SEPTIN9: variants seen among roughly 807,000 people sequenced by gnomAD.
SEPTIN9 encodes septin-9.
SEPTIN9 carries 13 observed loss-of-function variants against 56.6 expected under a neutral mutation model. The observed-to-expected ratio is 0.23, with a 90% CI of 0.15 to 0.37. The LOEUF (loss-of-function observed/expected upper bound fraction) is 0.37. SEPTIN9 is among the 10% of genes least tolerant of loss of function. The pLI, the probability that SEPTIN9 is intolerant of heterozygous loss-of-function variation, is 1.00. For synonymous variants in SEPTIN9, 332 were observed against 334.1 expected (o/e 0.99, Z 0.07); for missense variants, 650 against 823.1 (o/e 0.79, Z 2.57).
Position 77,437,725 on chromosome 17 carries a change from C to T in SEPTIN9, c.721+35022C>T, listed in dbSNP as rs1294034943. Among the ~76,000 whole-genome samples the T allele has an allele frequency of 6.6e-6, 1 of 152,176 alleles. No homozygotes were observed. On this transcript the variant is annotated intron_variant, in intron 3 of 11. Coordinates refer to ENST00000427177, the MANE Select transcript of SEPTIN9 (RefSeq NM_001113491.2). This position sits in a 1 kb window ranked among gnomAD's most constrained non-coding sequence, Gnocchi z 5.3. ...AAGCCCAAGTGAACCCCAGTAGTGG[C>T]CTGGGAGAATCATCTGTCACGAGCC... is the stretch of plus-strand genomic sequence containing the variant.
chr17:77,325,566 C>T (rs1433316775), intron 2 of SEPTIN9, among the ~76,000 whole-genome samples: 2 of 152,114 alleles, frequency 1.3e-5, no homozygotes, highest in African/African-American at 2.4e-5. Flanking sequence ...CAGCCCGGGG[C>T]GTCCTGAGGC....
chr17:77,401,965 G>A (rs1011029343), intron 2 of SEPTIN9, 94 bp from the exon 3 acceptor site: 16 of 1,359,770 alleles, frequency 1.2e-5, no homozygotes, highest in South Asian at 6.9e-5. Flanking sequence ...CCGCCGCATC[G>A]CCTGCCTTCC....
chr17:77,303,622 G>A (rs2032150501), intron 1 of SEPTIN9, among the ~76,000 whole-genome samples: 1 of 151,760 alleles, frequency 6.6e-6, no homozygotes, highest in Admixed American at 6.6e-5. Flanking sequence ...CGGAGGTTGC[G>A]GTGAACTGAG....
At position 77,348,301 on chromosome 17, in the gene SEPTIN9, T is replaced by A. The variant is rs1245955848; in HGVS notation, c.76+41104T>A. On this transcript the variant is annotated intron_variant, in intron 2 of 11. Coordinates refer to ENST00000427177, the MANE Select transcript of SEPTIN9 (RefSeq NM_001113491.2). ...AATTCTATTTTAATTTATGTTTTTT[T>A]TTTTTTTTTTTTTTTAAGACAGAGT... 3.4e-3 allele frequency among the ~76,000 whole-genome samples: 487 copies of A among 143,964 alleles called. 5 individuals carry two copies. Among genetic ancestry groups the A allele is most frequent in the African/African-American group, 0.012 (459 of 39,260 alleles). 94.4% of individuals were successfully genotyped at this position (143,964 alleles called of 152,430 possible). A position where few individuals can be genotyped will look rare whatever the true frequency, so the allele number is the denominator to read the frequency against.
At position 77,487,700 on chromosome 17, in the gene SEPTIN9, G is replaced by C; in HGVS notation, c.1042+148G>C. 3.1e-6 allele frequency: 2 copies of C among 650,956 alleles called. No individual in the cohort carries two copies. Among genetic ancestry groups the C allele is most frequent in the Non-Finnish European group, 4.5e-6 (2 of 440,280 alleles). 40.3% of individuals were successfully genotyped at this position (650,956 alleles called of 1,614,324 possible). A position where few individuals can be genotyped will look rare whatever the true frequency, so the allele number is the denominator to read the frequency against. On this transcript the variant is annotated intron_variant, in intron 5 of 11. Coordinates refer to ENST00000427177, the MANE Select transcript of SEPTIN9 (RefSeq NM_001113491.2). This position sits in a 1 kb window ranked among gnomAD's most constrained non-coding sequence, Gnocchi z 4.3. ...TCTGCCTTCCTGGAGCACAGAGTGGGGGGTCAAGACCATCACACACAGTCA... is the reference window on the plus strand; with the variant it reads ...TCTGCCTTCCTGGAGCACAGAGTGGCGGGTCAAGACCATCACACACAGTCA...
chr17:77,414,800 A>G (rs1410056156), intron 3 of SEPTIN9, among the ~76,000 whole-genome samples: 2 of 150,856 alleles, frequency 1.3e-5, no homozygotes, highest in African/African-American at 4.9e-5. Context: ...CTGGTCTTGA[A>G]CTCCTGGGCT....
chr17:77,431,135 G>A (rs565611726), intron 3 of SEPTIN9, among the ~76,000 whole-genome samples: 19 of 152,312 alleles, frequency 1.2e-4, no homozygotes, highest in Middle Eastern at 3.4e-3. Context: ...GAGGCCAGGC[G>A]TTCGAGACCA....
At chr17:77,480,771 C>T (rs368166) in intron 3 of SEPTIN9, among the ~76,000 whole-genome samples, 133,875 of 152,184 alleles carry the variant, frequency 0.88, 59,214 homozygotes, top group East Asian at 1. Flanking sequence ...GGGAGCGTGC[C>T]GTGTGGTCCC....
At chr17:77,403,867 GTCCA>G (rs1198594538) in intron 3 of SEPTIN9, among the ~76,000 whole-genome samples, 2 of 152,178 alleles carry the variant, frequency 1.3e-5, no homozygotes, top group Non-Finnish European at 2.9e-5. Context: ...TGCCACCGCT[GTCCA>G]TCTCCGGTAC....
At chr17:77,496,385 C>G (rs1274693084) in intron 10 of SEPTIN9, 1 of 152,178 alleles carries the variant, frequency 6.6e-6, no homozygotes, top group Non-Finnish European at 1.5e-5. Flanking sequence ...GAGACACTTG[C>G]AGGTGTGTGA....
rs770523824 is a variant in SEPTIN9 at position 77,402,378 on chromosome 17, C to T, written c.396C>T (p.Leu132=). The T allele has an allele frequency of 6.2e-6, 10 of 1,611,944 alleles. No individual in the cohort carries two copies. Among genetic ancestry groups the T allele is most frequent in the Non-Finnish European group, 8.5e-6 (10 of 1,179,546 alleles). Residue 132 remains leucine, a synonymous_variant, in exon 3 of 12, where the codon CTC becomes CTT. Transcript: ENST00000427177. This position sits in a 1 kb window ranked among gnomAD's most constrained non-coding sequence, Gnocchi z 6.6. ...AGAIGPSRFG[L]KRAEVLGHKT... ...CCATCGGCCCGTCCCGGTTCGGGCT[C>T]AAGAGGGCCGAGGTGTTGGGCCACA...
In SEPTIN9 at chr17:77,492,615, TC is replaced by T. The variant is rs1165683427; in HGVS notation, c.1381-3del. On this transcript the variant is annotated splice_polypyrimidine_tract_variant and splice_region_variant and intron_variant, in intron 8 of 11. Coordinates refer to ENST00000427177, the MANE Select transcript of SEPTIN9 (RefSeq NM_001113491.2). This position sits in a 1 kb window ranked among gnomAD's most constrained non-coding sequence, Gnocchi z 5.4. ...ATGGGCCCATCTCTCTCCCTCCTTATCCCAGATCACCGCAGACCTGCTGTCC... is the reference window on the plus strand; with the variant it reads ...ATGGGCCCATCTCTCTCCCTCCTTATCCAGATCACCGCAGACCTGCTGTCC... 1.9e-6 allele frequency: 3 copies of T among 1,613,814 alleles called. No homozygotes were observed. Among genetic ancestry groups the T allele is most frequent in the Non-Finnish European group, 1.7e-6 (2 of 1,179,808 alleles).
At chr17:77,335,172 A>G (rs950984766) in intron 2 of SEPTIN9, among the ~76,000 whole-genome samples, 73 of 139,532 alleles carry the variant, frequency 5.2e-4, no homozygotes, top group Middle Eastern at 4.1e-3. Flanking sequence ...ATGTGGTCCT[A>G]TATTAGTATA....
chr17:77,489,914 C>T (rs1228325821), intron 7 of SEPTIN9, among the ~76,000 whole-genome samples: 1 of 152,220 alleles, frequency 6.6e-6, no homozygotes, highest in East Asian at 1.9e-4. Context: ...CTGCTCCAAG[C>T]TTTGCCTCAG....
chr17:77,474,867 G>A lies in SEPTIN9; in HGVS notation c.722-7277G>A, dbSNP rs565037521. On this transcript the variant is annotated intron_variant, in intron 3 of 11. Transcript: ENST00000427177. ...TCAGTTATAATAGCTCCTGAGCAGC[G>A]TTTAGAGTAACACCTGGGGCTCGGT... Among the ~76,000 whole-genome samples, 5 of 152,236 alleles carry A rather than the reference G, an allele frequency of 3.3e-5. No individual in the cohort carries two copies. The South Asian group carries it at 6.2e-4, about 19-fold the overall frequency.
chr17:77,324,241 A>G (rs965255269), intron 2 of SEPTIN9, among the ~76,000 whole-genome samples: 5 of 152,188 alleles, frequency 3.3e-5, no homozygotes, highest in African/African-American at 7.2e-5. Flanking sequence ...CCTTAACTTC[A>G]TAACGTCTGC....
chr17:77,398,345 T>C (rs1310014789), intron 2 of SEPTIN9, among the ~76,000 whole-genome samples: 2 of 152,222 alleles, frequency 1.3e-5, no homozygotes, highest in Admixed American at 6.5e-5. Context: ...CATTCAACTC[T>C]GTTCCCGGGG....
chr17:77,424,334 G>A (rs2036819932), intron 3 of SEPTIN9, among the ~76,000 whole-genome samples: 1 of 152,248 alleles, frequency 6.6e-6, no homozygotes, highest in African/African-American at 2.4e-5. Context: ...TTTGCAGCGA[G>A]GCTCATGGTT....
intron 2 of SEPTIN9, among the ~76,000 whole-genome samples, chr17:77,397,546 C>T (rs1440953878): frequency 2.6e-5 from 4 of 152,176 alleles, no homozygotes; most frequent in African/African-American, 9.7e-5. Context: ...TCTACAGAAC[C>T]TCAGACGAAA....
Sources: gnomAD v4.1 joint callset for allele counts (sites outside exome capture counted in the v4.1 genomes callset) on GRCh38, gnomAD v4.1.1 for gene constraint, Gnocchi (gnomAD v3.1) non-coding constraint, MANE v1.5 for transcripts, NCBI Gene and HGNC (gene_info 2026-07-23, HGNC 2026-07-21) for gene names.